PARD3B: variants seen among roughly 807,000 people sequenced by gnomAD.
PARD3B encodes the protein par-3 family cell polarity regulator beta.
PARD3B carries 103 observed loss-of-function variants against 130.2 expected under a neutral mutation model. The observed-to-expected ratio is 0.79, with a 90% CI of 0.67 to 0.93. PARD3B has a LOEUF of 0.93. Among genes scored for constraint, PARD3B ranks in the 40% least tolerant of loss-of-function variants. The probability of loss-of-function intolerance (pLI) is 0.00; values close to 1 mark genes in which losing one functional copy is unlikely to be tolerated. For missense variants in PARD3B, 1,609 were observed against 1,499.2 expected, an observed-to-expected ratio of 1.07 and a Z score of -1.21; for synonymous variants, 583 against 553.2, an observed-to-expected ratio of 1.05 and a Z score of -0.76.
At chr2:205,013,684 C>T (rs181123336) in intron 3 of PARD3B, among the ~76,000 whole-genome samples, 80 of 152,290 alleles carry the variant, frequency 5.3e-4, no homozygotes, top group Admixed American at 2.7e-3. Flanking sequence ...AAATCAGTAT[C>T]GACTGCTTCT....
At chr2:205,178,143 TAAAAAAAAAA>T (rs58267787) in intron 13 of PARD3B, among the ~76,000 whole-genome samples, 7 of 20,782 alleles carry the variant, frequency 3.4e-4, no homozygotes, top group South Asian at 3.3e-3. Context: ...CCATCTGTAC[TAAAAAAAAAA>T]AAAAAAAAAA....
chr2:204,897,495 C>T (rs970123404), intron 2 of PARD3B, among the ~76,000 whole-genome samples: 1 of 143,832 alleles, frequency 7.0e-6, no homozygotes, highest in Non-Finnish European at 1.5e-5. Context: ...TTTTCTTAAA[C>T]CTTTTCATTT....
chr2:205,193,048 C>T (rs534655638), intron 14 of PARD3B, among the ~76,000 whole-genome samples, 157 bp from the exon 15 acceptor site: 1 of 152,276 alleles, frequency 6.6e-6, no homozygotes, highest in Middle Eastern at 3.4e-3. Context: ...GTTGCTACAT[C>T]TCATAAAAGA....
At position 204,839,940 on chromosome 2, in the gene PARD3B, C is replaced by A. The variant is rs2044200844; in HGVS notation, c.223-125212C>A. ...CCATTTAACAATAAATATTTTAGTGCCACTTAAAAGTATAATTAATATATC... is the reference window on the plus strand; with the variant it reads ...CCATTTAACAATAAATATTTTAGTGACACTTAAAAGTATAATTAATATATC... On this transcript the variant is annotated intron_variant, in intron 2 of 22. Transcript: ENST00000406610. 2.6e-5 allele frequency among the ~76,000 whole-genome samples: 4 copies of A among 152,046 alleles called. No homozygotes were observed. In the South Asian group the frequency reaches 8.3e-4, roughly 32 times the overall value.
chr2:205,053,548 G>A (rs1699381890), intron 4 of PARD3B, among the ~76,000 whole-genome samples: 1 of 151,620 alleles, frequency 6.6e-6, no homozygotes, highest in African/African-American at 2.4e-5. Context: ...GCTGAGGCAG[G>A]ACAATCGCTT....
intron 1 of PARD3B, among the ~76,000 whole-genome samples, chr2:204,566,769 G>A: frequency 6.6e-6 from 1 of 151,682 alleles, no homozygotes; most frequent in African/African-American, 2.4e-5. Flanking sequence ...TTAAGTAGTT[G>A]CTTCCCTTCC....
At chr2:204,986,383 C>G (rs180679753) in intron 3 of PARD3B, among the ~76,000 whole-genome samples, 1 of 152,168 alleles carries the variant, frequency 6.6e-6, no homozygotes, top group Non-Finnish European at 1.5e-5. Context: ...CAGAGCATAT[C>G]AACCCTAAAC....
intron 10 of PARD3B, among the ~76,000 whole-genome samples, chr2:205,136,157 A>T (rs1575910155): frequency 6.6e-6 from 1 of 152,172 alleles, no homozygotes; most frequent in African/African-American, 2.4e-5. Flanking sequence ...TGCCCCCCAC[A>T]CACCAAAAAA....
intron 1 of PARD3B, among the ~76,000 whole-genome samples, chr2:204,576,294 A>G (rs947398623): frequency 9.2e-5 from 14 of 152,350 alleles, no homozygotes; most frequent in East Asian, 7.7e-4. Context: ...ACCTTGCTAC[A>G]CTAGAAGTTT....
Position 204,907,036 on chromosome 2 carries a change from AG to A in PARD3B, c.223-58115del, listed in dbSNP as rs2047063207. ...TGCTCTGTCGCCCAGGCTGGAGTTCAGTGGCACGATCTCGGCTCACTGTAAC... is the reference window on the plus strand; with the variant it reads ...TGCTCTGTCGCCCAGGCTGGAGTTCATGGCACGATCTCGGCTCACTGTAAC... On this transcript the variant is annotated intron_variant, in intron 2 of 22. Coordinates refer to ENST00000406610, the MANE Select transcript of PARD3B (RefSeq NM_001302769.2). The surrounding 1 kb of genome is among the most constrained non-coding windows in gnomAD (Gnocchi z 5.7). Among the ~76,000 whole-genome samples the A allele has an allele frequency of 6.6e-6, 1 of 151,952 alleles. No individual in the cohort carries two copies. Among genetic ancestry groups the A allele is most frequent in the Admixed American group, 6.6e-5 (1 of 15,266 alleles).
intron 1 of PARD3B, among the ~76,000 whole-genome samples, chr2:204,684,609 C>T (rs2036991751): frequency 1.3e-5 from 2 of 152,064 alleles, no homozygotes; most frequent in Admixed American, 6.6e-5. Context: ...TTTTTGAAAT[C>T]TGGCCTATTA....
chr2:205,484,690 A>C (rs1375047351), intron 20 of PARD3B, among the ~76,000 whole-genome samples: 1 of 152,198 alleles, frequency 6.6e-6, no homozygotes, highest in East Asian at 1.9e-4. Context: ...GAACATATAG[A>C]TTACAGATCA....
chr2:205,191,792 G>A (rs2036414267), intron 14 of PARD3B, among the ~76,000 whole-genome samples: 1 of 152,174 alleles, frequency 6.6e-6, no homozygotes, highest in South Asian at 2.1e-4. Context: ...GTAAGTACCG[G>A]AGCCAGGATT....
intron 2 of PARD3B, among the ~76,000 whole-genome samples, chr2:204,808,693 A>G (rs972442808): frequency 1.3e-5 from 2 of 152,168 alleles, no homozygotes; most frequent in African/African-American, 4.8e-5. Context: ...ATAGTATTCC[A>G]TGATATACAT....
intron 2 of PARD3B, among the ~76,000 whole-genome samples, chr2:204,916,963 C>T (rs1329199052): frequency 6.6e-6 from 1 of 152,098 alleles, no homozygotes; most frequent in African/African-American, 2.4e-5. Flanking sequence ...GGATAAAAAT[C>T]CCTGTTCTCT....
At chr2:204,783,869 A>G (rs924117183) in intron 2 of PARD3B, among the ~76,000 whole-genome samples, 6 of 152,236 alleles carry the variant, frequency 3.9e-5, no homozygotes, top group African/African-American at 1.4e-4. Context: ...TACTTAGGGT[A>G]TCATCTTCGA....
At chr2:205,612,426 G>T (rs1468205395) in intron 22 of PARD3B, among the ~76,000 whole-genome samples, 1 of 152,184 alleles carries the variant, frequency 6.6e-6, no homozygotes, top group East Asian at 1.9e-4. Flanking sequence ...ACAGGCATGA[G>T]CCACCGCCCC....
rs999900329 is a variant in PARD3B at position 205,341,340 on chromosome 2, A to G, written c.2630+39639A>G. On this transcript the variant is annotated intron_variant, in intron 18 of 22. Coordinates refer to ENST00000406610, the MANE Select transcript of PARD3B (RefSeq NM_001302769.2). The surrounding 1 kb of genome is among the most constrained non-coding windows in gnomAD (Gnocchi z 4.3). ...CAATAGCTAAGATATGGAATCAACC[A>G]AAATGTCCATTAACAGATGAGTAAT... is the stretch of plus-strand genomic sequence containing the variant. Among the ~76,000 whole-genome samples the G allele has an allele frequency of 3.3e-5, 5 of 152,248 alleles. No individual in the cohort carries two copies. Among genetic ancestry groups the G allele is most frequent in the Admixed American group, 6.5e-5 (1 of 15,276 alleles).
At chr2:205,014,316 A>G (rs1209569047) in intron 3 of PARD3B, among the ~76,000 whole-genome samples, 1 of 152,186 alleles carries the variant, frequency 6.6e-6, no homozygotes, top group Non-Finnish European at 1.5e-5. Context: ...CATTTCTGTC[A>G]TTCTGCATTT....
Sources: allele counts gnomAD v4.1 joint callset (sites outside exome capture counted in the v4.1 genomes callset), GRCh38; gene constraint gnomAD v4.1.1; non-coding constraint Gnocchi (gnomAD v3.1); transcripts MANE v1.5; gene names NCBI Gene and HGNC (gene_info 2026-07-23, HGNC 2026-07-21).